PPFIA2: variants seen among roughly 807,000 people sequenced by gnomAD.
PPFIA2 encodes the protein liprin-alpha-2.
A neutral mutation model predicts 175.5 loss-of-function variants in PPFIA2; 46 were observed. That is an observed-to-expected ratio of 0.26 (90% CI 0.21 to 0.34). The LOEUF (loss-of-function observed/expected upper bound fraction) is 0.34. Ranked by LOEUF, PPFIA2 falls within the 10% of genes least tolerant of loss-of-function variation. PPFIA2 has a pLI of 1.00. For synonymous variants in PPFIA2, 568 were observed against 511.4 expected (o/e 1.11, Z -1.49); for missense variants, 1,179 against 1,506.1 (o/e 0.78, Z 3.60).
At chr12:81,383,470 T>C (rs1222854222) in intron 9 of PPFIA2, among the ~76,000 whole-genome samples, 1 of 152,052 alleles carries the variant, frequency 6.6e-6, no homozygotes, top group Non-Finnish European at 1.5e-5. Flanking sequence ...TCTCTTCACT[T>C]GATATTAGCC....
At chr12:81,305,139 AT>A (rs1236582344) in intron 22 of PPFIA2, among the ~76,000 whole-genome samples, 1 of 152,140 alleles carries the variant, frequency 6.6e-6, no homozygotes, top group East Asian at 1.9e-4. Context: ...TTTTTTGGCT[AT>A]GTACTTAATC....
At chr12:81,729,005 T>G (rs1403362905) in intron 3 of PPFIA2, among the ~76,000 whole-genome samples, 1 of 151,458 alleles carries the variant, frequency 6.6e-6, no homozygotes, top group Non-Finnish European at 1.5e-5. Flanking sequence ...GAACGTACAA[T>G]TATGGGCTAC....
rs1422210605 is a variant in PPFIA2, at chr12:81,267,938, A to G, written c.3460T>C (p.Leu1154=). The G allele has an allele frequency of 6.3e-7, 1 of 1,597,574 alleles. No individual in the cohort carries two copies. ...TGGGTGTTCTGTGTTGGAATCTGTA[A>G]TAATAAAGCTAAGCTGCTGTAGTCA... is the stretch of plus-strand genomic sequence containing the variant. The part of the protein sequence containing the change: ...NFDYSSLALL[L]QIPTQNTQAR... The change falls in exon 29 of 33, where the codon TTA becomes CTA. Residue 1154 remains leucine (L), a synonymous_variant. Transcript: ENST00000549396.
At chr12:81,320,669 C>G (rs1418532915) in intron 22 of PPFIA2, among the ~76,000 whole-genome samples, 1 of 151,898 alleles carries the variant, frequency 6.6e-6, no homozygotes, top group East Asian at 1.9e-4. Flanking sequence ...TGTTACGAGG[C>G]AAGAGAAAAC....
intron 7 of PPFIA2, among the ~76,000 whole-genome samples, chr12:81,414,641 T>C (rs2044610294): frequency 1.3e-5 from 2 of 151,614 alleles, no homozygotes; most frequent in African/African-American, 4.8e-5. Flanking sequence ...CAATTAACAA[T>C]TCCCAGGGTG....
chr12:81,472,713 C>T (rs2056920367), intron 4 of PPFIA2: 2 of 151,520 alleles, frequency 1.3e-5, no homozygotes, highest in Admixed American at 1.3e-4. Context: ...TGGACCCATC[C>T]TTATGACCAT....
At chr12:81,494,545 A>G (rs1442104230) in intron 4 of PPFIA2, among the ~76,000 whole-genome samples, 1 of 151,210 alleles carries the variant, frequency 6.6e-6, no homozygotes, top group African/African-American at 2.4e-5. Flanking sequence ...GCGATTCCTC[A>G]GGGATCTAGA....
intron 3 of PPFIA2, among the ~76,000 whole-genome samples, chr12:81,752,692 A>G (rs939348550): frequency 6.6e-6 from 1 of 152,210 alleles, no homozygotes; most frequent in Non-Finnish European, 1.5e-5. Flanking sequence ...TTAATAGTAC[A>G]GATAGCTTTA....
At chr12:81,681,620 C>A (rs1035718925) in intron 3 of PPFIA2, among the ~76,000 whole-genome samples, 1 of 151,742 alleles carries the variant, frequency 6.6e-6, no homozygotes, top group Admixed American at 6.6e-5. Flanking sequence ...TTGACAAACA[C>A]TTTGAATGAT....
chr12:81,552,317 T>C (rs1054108499), intron 4 of PPFIA2, among the ~76,000 whole-genome samples: 14 of 151,890 alleles, frequency 9.2e-5, no homozygotes, highest in African/African-American at 3.4e-4. Flanking sequence ...TTATTTCATA[T>C]TACATTGTGT....
At chr12:81,625,730 A>G (rs962559822) in intron 4 of PPFIA2, among the ~76,000 whole-genome samples, 1 of 151,244 alleles carries the variant, frequency 6.6e-6, no homozygotes, top group Admixed American at 6.6e-5. Context: ...GATTGATTTC[A>G]TTTATATATT....
intron 4 of PPFIA2, among the ~76,000 whole-genome samples, chr12:81,496,943 G>C (rs937852806): frequency 4.6e-5 from 7 of 152,160 alleles, no homozygotes; most frequent in African/African-American, 1.7e-4. Context: ...AGCAAATAAA[G>C]CAGACACGAG....
chr12:81,690,792 G>A (rs1181492846), intron 3 of PPFIA2, among the ~76,000 whole-genome samples: 2 of 152,126 alleles, frequency 1.3e-5, no homozygotes, highest in African/African-American at 4.8e-5. Context: ...TCCTTCTGCA[G>A]ACTTCAGAGG....
intron 4 of PPFIA2, among the ~76,000 whole-genome samples, chr12:81,479,523 T>A (rs529542277): frequency 1.3e-5 from 2 of 151,998 alleles, no homozygotes; most frequent in African/African-American, 4.8e-5. Flanking sequence ...ATAGAGTCGA[T>A]GGTCTTTACA....
intron 4 of PPFIA2, among the ~76,000 whole-genome samples, chr12:81,524,182 C>T (rs576570714): frequency 3.9e-5 from 6 of 152,246 alleles, no homozygotes; most frequent in Middle Eastern, 3.4e-3. Flanking sequence ...TGAGTCAATG[C>T]CCAGTGGAGC....
At chr12:81,266,246 C>T (rs143424802) in intron 30 of PPFIA2, among the ~76,000 whole-genome samples, 225 of 152,272 alleles carry the variant, frequency 1.5e-3, no homozygotes, top group Non-Finnish European at 1.4e-3. Flanking sequence ...ATTTCATGCT[C>T]AGGTTTCCTT....
At chr12:81,624,934 A>C (rs2062517827) in intron 4 of PPFIA2, among the ~76,000 whole-genome samples, 1 of 151,626 alleles carries the variant, frequency 6.6e-6, no homozygotes, top group African/African-American at 2.4e-5. Flanking sequence ...TATGTAATTC[A>C]TCCATGTAAC....
chr12:81,715,837 A>G (rs1423799086), intron 3 of PPFIA2, among the ~76,000 whole-genome samples: 1 of 151,706 alleles, frequency 6.6e-6, no homozygotes, highest in African/African-American at 2.4e-5. Flanking sequence ...ATTAAAAATT[A>G]AATAATTAAA....
intron 9 of PPFIA2, chr12:81,378,090 A>G (rs910572848): frequency 2.0e-5 from 3 of 152,360 alleles, no homozygotes; most frequent in African/African-American, 4.8e-5. Flanking sequence ...AAGAATGCCA[A>G]TGACTCCCAG....
Sources: gnomAD v4.1 joint callset for allele counts (sites outside exome capture counted in the v4.1 genomes callset) on GRCh38, gnomAD v4.1.1 for gene constraint, MANE v1.5 for transcripts, NCBI Gene and HGNC (gene_info 2026-07-23, HGNC 2026-07-21) for gene names.